FAM199X: variants seen among roughly 807,000 people sequenced by gnomAD.
FAM199X encodes the protein family with sequence similarity 199, X-linked.
In FAM199X, 4 loss-of-function variants were observed where a neutral mutation model predicts 22.9. The observed-to-expected ratio is 0.17, with a 90% CI of 0.09 to 0.40. The LOEUF (loss-of-function observed/expected upper bound fraction) is 0.40, where lower values mean the gene tolerates loss of function less well. Among genes scored for constraint, FAM199X ranks in the 10% least tolerant of loss-of-function variants. The probability of loss-of-function intolerance (pLI) is 1.00; values close to 1 mark genes in which losing one functional copy is unlikely to be tolerated. For synonymous variants in FAM199X, 101 were observed against 112.3 expected (o/e 0.90, Z 0.64); for missense variants, 183 against 306.8 (o/e 0.60, Z 3.01).
chrX:104,172,419 CAA>C (rs1252810147), intron 1 of FAM199X, among the ~76,000 whole-genome samples: 5 of 87,435 alleles, frequency 5.7e-5, no homozygotes, highest in Admixed American at 1.3e-4. Flanking sequence ...GACCCTGACT[CAA>C]AAAAAAAAAA....
upstream of FAM199X, among the ~76,000 whole-genome samples, chrX:104,166,234 T>C (rs557527164): frequency 3.7e-4 from 42 of 113,018 alleles, 1 homozygote; most frequent in South Asian, 0.015. Context: ...GGTTCCTGCT[T>C]AGTAGTCGAG....
intron 2 of FAM199X, among the ~76,000 whole-genome samples, chrX:104,185,679 C>T (rs1471015289): frequency 5.4e-5 from 6 of 110,695 alleles, no homozygotes; most frequent in African/African-American, 2.0e-4. Flanking sequence ...GGCACCATCT[C>T]GGCTCACTGC....
Position 104,189,641 on chromosome X carries a change from G to C in FAM199X, c.1030G>C (p.Ala344Pro). ...CAAGCAGCGGAAGTTACAGCAGAAG[G>C]CCTTCCGCAAGAGGCAGCTGAAGGA... ...RSKQRKLQQK[A>P]FRKRQLKEQR... Residue 344 changes from alanine (A) to proline (P), a missense_variant, in exon 6 of 6, where the codon GCC becomes CCC. This residue lies in a region of FAM199X where 128 missense variants were observed against 246.2 expected (regional missense o/e 0.52). Transcript: ENST00000493442. The C allele has an allele frequency of 8.3e-7, 1 of 1,211,723 alleles. No individual in the cohort carries two copies. The highest frequency in any genetic ancestry group is 1.1e-6 in the Non-Finnish European group (1 of 895,405).
At position 104,188,313 on chromosome X, in the gene FAM199X, C is replaced by T. The variant is rs782588676; in HGVS notation, c.996+7C>T. ...GCGGATTCGGGATTCAAAAGTAAAA[C>T]GTCTAATCAATACAAAACTTTACCT... On this transcript the variant is annotated splice_region_variant and intron_variant, in intron 5 of 5. Transcript: ENST00000493442. 1.5e-4 allele frequency: 187 copies of T among 1,208,607 alleles called. No homozygotes were observed. The highest frequency in any genetic ancestry group is 4.4e-4 in the South Asian group (25 of 56,825).
At chrX:104,189,528 A>C in intron 5 of FAM199X, 80 bp from the exon 6 acceptor site, 1 of 984,830 alleles carries the variant, frequency 1.0e-6, no homozygotes, top group East Asian at 3.1e-5. Flanking sequence ...TAGAAAATAG[A>C]GAATTTGATC....
At chrX:104,172,309 C>T (rs1556375536) in intron 1 of FAM199X, among the ~76,000 whole-genome samples, 1 of 105,428 alleles carries the variant, frequency 9.5e-6, no homozygotes, top group East Asian at 2.9e-4. Flanking sequence ...GTCCCAGCTG[C>T]TGGGAAGGCT....
In FAM199X at chrX:104,190,548, T is replaced by A. The variant is rs1556380153; in HGVS notation, c.*770T>A. The A allele has an allele frequency of 1.8e-5, 2 of 112,263 alleles. No individual in the cohort carries two copies. The highest frequency in any genetic ancestry group is 3.8e-5 in the Non-Finnish European group (2 of 53,252). 9.3% of individuals were successfully genotyped at this position (112,263 alleles called of 1,213,427 possible). A position where few individuals can be genotyped will look rare whatever the true frequency, so the allele number is the denominator to read the frequency against. On this transcript the variant is annotated 3_prime_UTR_variant, in exon 6 of 6. Transcript: ENST00000493442. ...ACTAGTAGCTGAATTTTAGACTTGA[T>A]GCTATGTTGATTAATATTTAAATGG...
At chrX:104,178,154 G>GT (rs1188598264) in intron 2 of FAM199X, among the ~76,000 whole-genome samples, 23 of 107,660 alleles carry the variant, frequency 2.1e-4, no homozygotes, top group East Asian at 8.7e-4. Context: ...TCTTTTTTTT[G>GT]TTTTTTTTTG....
upstream of FAM199X, among the ~76,000 whole-genome samples, chrX:104,165,783 T>C (rs1437385365): frequency 2.7e-5 from 3 of 111,490 alleles, no homozygotes; most frequent in Non-Finnish European, 5.6e-5. Context: ...ATATATTTTC[T>C]ACGGGAGGGA....
At position 104,186,047 on chromosome X, in the gene FAM199X, C is replaced by G. The variant is rs782582887; in HGVS notation, c.418-19C>G. 84 of 1,192,134 alleles carry G rather than the reference C, an allele frequency of 7.0e-5. No homozygotes were observed. Among genetic ancestry groups the G allele is most frequent in the Non-Finnish European group, 9.3e-5 (83 of 887,764 alleles). On this transcript the variant is annotated intron_variant, in intron 2 of 5. Transcript: ENST00000493442. ...CAAATTTTGCTTTCCTTCCCCACAC[C>G]CTCCTTATTTTTATAAAGTTACCAG...
At chrX:104,173,453 A>G (rs962954699) in intron 1 of FAM199X, among the ~76,000 whole-genome samples, 2 of 111,548 alleles carry the variant, frequency 1.8e-5, no homozygotes, top group African/African-American at 3.3e-5. Context: ...TCAAAAGAAA[A>G]GGTACCATAA....
At chrX:104,179,381 T>C (rs1353374950) in intron 2 of FAM199X, among the ~76,000 whole-genome samples, 19 of 112,216 alleles carry the variant, frequency 1.7e-4, no homozygotes, top group African/African-American at 6.2e-4. Context: ...TCCTAAATAT[T>C]GTATTCTTTT....
rs781814096 is a variant in FAM199X at position 104,166,815 on chromosome X, C to T, written c.30C>T (p.Ser10=). 1.4e-4 allele frequency: 172 copies of T among 1,205,749 alleles called. No individual in the cohort carries two copies. The highest frequency in any genetic ancestry group is 1.8e-4 in the Non-Finnish European group (164 of 893,014). ...CCGACGAGGCCTCGGCCATCACTTC[C>T]TACGAGAAGTTTCTAACCCCCGAGG... MSDEASAIT[S]YEKFLTPEEP... The change falls in exon 1 of 6, where the codon TCC becomes TCT. Residue 10 remains serine, a synonymous_variant. Coordinates refer to ENST00000493442, the MANE Select transcript of FAM199X (RefSeq NM_207318.4).
chrX:104,182,509 C>T (rs1377482878), intron 2 of FAM199X, among the ~76,000 whole-genome samples: 1 of 111,042 alleles, frequency 9.0e-6, no homozygotes, highest in Non-Finnish European at 1.9e-5. Flanking sequence ...TATCATATGA[C>T]GGTTTCTGGT....
At chrX:104,174,283 C>G (rs1213387946) in intron 1 of FAM199X, among the ~76,000 whole-genome samples, 1 of 110,504 alleles carries the variant, frequency 9.0e-6, no homozygotes, top group East Asian at 2.8e-4. Context: ...ACTCCAGCCT[C>G]AATGAGAGAA....
chrX:104,186,718 A>C (rs1286682063), intron 4 of FAM199X, 97 bp downstream of exon 4: 1 of 802,655 alleles, frequency 1.2e-6, no homozygotes, highest in East Asian at 3.4e-5. Flanking sequence ...TAGATAATTA[A>C]GGCCAAAATC....
chrX:104,185,062 A>AT (rs782075983), intron 2 of FAM199X, among the ~76,000 whole-genome samples: 3,680 of 77,904 alleles, frequency 0.047, 311 homozygotes, highest in African/African-American at 0.14. Flanking sequence ...AGGCATGATA[A>AT]TTTTTTTTTT....
chrX:104,182,507 G>A (rs1556378116), intron 2 of FAM199X, among the ~76,000 whole-genome samples: 1 of 111,022 alleles, frequency 9.0e-6, no homozygotes, highest in Non-Finnish European at 1.9e-5. Flanking sequence ...CATATCATAT[G>A]ACGGTTTCTG....
rs1221065617 is a variant in FAM199X at position 104,189,978 on chromosome X, C to T, written c.*200C>T. The T allele has an allele frequency of 1.3e-5, 5 of 394,579 alleles. No homozygotes were observed. Among genetic ancestry groups the T allele is most frequent in the Non-Finnish European group, 2.2e-5 (5 of 232,542 alleles). The allele number at this position is 394,579 out of a possible 1,213,427, so 32.5% of individuals were successfully genotyped here. ...GTTGTTAGGAATGCATACTAGTGGG[C>T]CCCGCCCCCAGACATAGTGAATCAG... is the stretch of plus-strand genomic sequence containing the variant. On this transcript the variant is annotated 3_prime_UTR_variant, in exon 6 of 6. Coordinates refer to ENST00000493442, the MANE Select transcript of FAM199X (RefSeq NM_207318.4).
Sources: allele counts gnomAD v4.1 joint callset (sites outside exome capture counted in the v4.1 genomes callset), GRCh38; gene constraint gnomAD v4.1.1; regional missense constraint gnomAD v4.1.1; transcripts MANE v1.5; gene names NCBI Gene and HGNC (gene_info 2026-07-23, HGNC 2026-07-21).